LRMDA: variants seen among roughly 807,000 people sequenced by gnomAD.
LRMDA encodes leucine-rich melanocyte differentiation-associated protein.
In LRMDA, 18 loss-of-function variants were observed where a neutral mutation model predicts 29.8. The ratio of observed to expected loss-of-function variants is 0.60; its 90% CI spans 0.42 to 0.90. LRMDA has a LOEUF of 0.90. Among genes scored for constraint, LRMDA ranks in the 40% least tolerant of loss-of-function variants. LRMDA has a pLI of 0.00. For synonymous variants in LRMDA, 125 were observed against 109.4 expected, an observed-to-expected ratio of 1.14 and a Z score of -0.89; for missense variants, 273 against 273.9, an observed-to-expected ratio of 1.00 and a Z score of 0.02.
intron 5 of LRMDA, among the ~76,000 whole-genome samples, chr10:76,085,222 G>A (rs186062210): frequency 2.0e-5 from 3 of 152,302 alleles, no homozygotes; most frequent in Admixed American, 2.0e-4. Flanking sequence ...ATATGGACAG[G>A]AAATCACTAG....
At chr10:75,473,063 A>G (rs1371883441) in intron 2 of LRMDA, among the ~76,000 whole-genome samples, 1 of 152,210 alleles carries the variant, frequency 6.6e-6, no homozygotes, top group South Asian at 2.1e-4. Flanking sequence ...AGAGGTTTGC[A>G]TCTCTTCTTC....
At chr10:76,390,063 C>T (rs958249501) in intron 6 of LRMDA, among the ~76,000 whole-genome samples, 2 of 152,086 alleles carry the variant, frequency 1.3e-5, no homozygotes, top group South Asian at 2.1e-4. Flanking sequence ...AAAGAGTTAC[C>T]ATACTGTTTT....
At chr10:76,241,166 T>G (rs1033347701) in intron 5 of LRMDA, among the ~76,000 whole-genome samples, 1 of 152,102 alleles carries the variant, frequency 6.6e-6, no homozygotes, top group Non-Finnish European at 1.5e-5. Context: ...CAGTGTACAC[T>G]TTGCAGGTGA....
chr10:76,214,667 A>AT (rs1260171474), intron 5 of LRMDA, among the ~76,000 whole-genome samples: 1 of 152,258 alleles, frequency 6.6e-6, no homozygotes, highest in East Asian at 1.9e-4. Context: ...TTAATAGCTC[A>AT]TTTTGTAGCT....
intron 2 of LRMDA, among the ~76,000 whole-genome samples, chr10:75,577,007 G>T (rs905246925): frequency 1.3e-5 from 2 of 152,250 alleles, no homozygotes; most frequent in East Asian, 1.9e-4. Context: ...CTCCTCTCCA[G>T]CAAGGAAACA....
intron 5 of LRMDA, among the ~76,000 whole-genome samples, chr10:76,081,945 A>T (rs1218226620): frequency 6.6e-6 from 1 of 152,166 alleles, no homozygotes; most frequent in Non-Finnish European, 1.5e-5. Context: ...TCTTAGTTTC[A>T]GATTTCGGTG....
At chr10:76,142,564 T>C (rs2132151989) in intron 5 of LRMDA, among the ~76,000 whole-genome samples, 1 of 152,240 alleles carries the variant, frequency 6.6e-6, no homozygotes, top group East Asian at 1.9e-4. Context: ...ATTGTGTTAC[T>C]AAACTTCATC....
chr10:75,814,695 A>G (rs997943657), intron 2 of LRMDA, among the ~76,000 whole-genome samples: 1 of 152,180 alleles, frequency 6.6e-6, no homozygotes, highest in Non-Finnish European at 1.5e-5. Context: ...CCCTCTTGGT[A>G]TCAAGCCCAG....
At chr10:76,229,985 C>T (rs997447678) in intron 5 of LRMDA, among the ~76,000 whole-genome samples, 1 of 152,068 alleles carries the variant, frequency 6.6e-6, no homozygotes, top group Non-Finnish European at 1.5e-5. Context: ...GGCTGCCTTT[C>T]CCTGGAGCCC....
At chr10:76,228,371 C>A (rs936180239) in intron 5 of LRMDA, among the ~76,000 whole-genome samples, 1 of 152,090 alleles carries the variant, frequency 6.6e-6, no homozygotes, top group Non-Finnish European at 1.5e-5. Context: ...GTGCCCTCTG[C>A]ATAAACAAAG....
At chr10:75,657,487 T>C (rs1348901164) in intron 2 of LRMDA, among the ~76,000 whole-genome samples, 1 of 152,180 alleles carries the variant, frequency 6.6e-6, no homozygotes, top group African/African-American at 2.4e-5. Flanking sequence ...AGGCAAGCAC[T>C]AATGCTAGAA....
intron 5 of LRMDA, among the ~76,000 whole-genome samples, chr10:76,306,873 G>A (rs1056956020): frequency 6.6e-6 from 1 of 152,180 alleles, no homozygotes; most frequent in East Asian, 1.9e-4. Flanking sequence ...TCCCAGAATT[G>A]ATACCAGTAG....
At chr10:75,493,348 G>GT (rs1774093324) in intron 2 of LRMDA, among the ~76,000 whole-genome samples, 2 of 133,352 alleles carry the variant, frequency 1.5e-5, no homozygotes, top group East Asian at 2.2e-4. Flanking sequence ...GTTGAGATTG[G>GT]GTGTGTGTGT....
intron 2 of LRMDA, among the ~76,000 whole-genome samples, chr10:75,938,852 A>C (rs759605905): frequency 2.0e-5 from 3 of 152,198 alleles, no homozygotes; most frequent in Non-Finnish European, 2.9e-5. Context: ...TTGTGTGAAG[A>C]CAAAGTGAGA....
At chr10:75,436,721 G>A (rs572691275) in intron 1 of LRMDA, among the ~76,000 whole-genome samples, 112 of 152,040 alleles carry the variant, frequency 7.4e-4, no homozygotes, top group African/African-American at 2.6e-3. Context: ...CTCCCACCTC[G>A]GCTTCCCAAA....
At chr10:76,147,811 T>A (rs998201939) in intron 5 of LRMDA, among the ~76,000 whole-genome samples, 5 of 152,194 alleles carry the variant, frequency 3.3e-5, no homozygotes, top group Non-Finnish European at 7.3e-5. Context: ...CCCATCTTTG[T>A]GGTTTTATCT....
chr10:75,694,695 A>G (rs1336608401), intron 2 of LRMDA, among the ~76,000 whole-genome samples: 1 of 152,172 alleles, frequency 6.6e-6, no homozygotes, highest in Non-Finnish European at 1.5e-5. Context: ...CAATAGAAGC[A>G]GCGTCATGTG....
intron 2 of LRMDA, among the ~76,000 whole-genome samples, chr10:75,633,784 T>C (rs1052304260): frequency 6.6e-6 from 1 of 152,084 alleles, no homozygotes; most frequent in South Asian, 2.1e-4. Flanking sequence ...TTGTAAATAA[T>C]TTTTTTGCAA....
intron 2 of LRMDA, among the ~76,000 whole-genome samples, chr10:75,663,233 TC>T (rs1218019348): frequency 1.3e-5 from 2 of 152,150 alleles, no homozygotes; most frequent in African/African-American, 4.8e-5. Flanking sequence ...CAGCAGCTTC[TC>T]CTCCTCCCCG....
Sources: allele counts gnomAD v4.1 joint callset (sites outside exome capture counted in the v4.1 genomes callset), GRCh38; gene constraint gnomAD v4.1.1; transcripts MANE v1.5; gene names NCBI Gene and HGNC (gene_info 2026-07-23, HGNC 2026-07-21).